The following IQGAP1 variants were observed in gnomAD, a reference collection of about 807,000 sequenced individuals.
The protein encoded by IQGAP1 is ras GTPase-activating-like protein IQGAP1.
A neutral mutation model predicts 215.6 loss-of-function variants in IQGAP1; 66 were observed. The ratio of observed to expected loss-of-function variants is 0.31; its 90% CI spans 0.25 to 0.38. The LOEUF is 0.38. Ranked by LOEUF, IQGAP1 falls within the 10% of genes least tolerant of loss-of-function variation. The pLI is 1.00. For missense variants in IQGAP1, 1,712 were observed against 1,997.1 expected (o/e 0.86, Z 2.72); for synonymous variants, 772 against 728.7 (o/e 1.06, Z -0.96).
At chr15:90,470,357 T>G (rs543960553) in intron 18 of IQGAP1, among the ~76,000 whole-genome samples, 1 of 152,272 alleles carries the variant, frequency 6.6e-6, no homozygotes, top group Admixed American at 6.5e-5. Context: ...TTTGTGCTCT[T>G]CCTCCAGTGC....
chr15:90,489,115 A>G (rs574583025), intron 33 of IQGAP1, among the ~76,000 whole-genome samples: 4 of 137,920 alleles, frequency 2.9e-5, no homozygotes, highest in East Asian at 2.2e-4. Flanking sequence ...CATATCTAAG[A>G]CCCTTGTTTC....
At chr15:90,429,162 A>G (rs113003605) in intron 3 of IQGAP1, among the ~76,000 whole-genome samples, 1 of 152,122 alleles carries the variant, frequency 6.6e-6, no homozygotes, top group Non-Finnish European at 1.5e-5. Context: ...TGGTATTTTT[A>G]TACAGCATTT....
At position 90,430,196 on chromosome 15, in the gene IQGAP1, C is replaced by T. The variant is rs116608732; in HGVS notation, c.390+530C>T. On this transcript the variant is annotated intron_variant, in intron 4 of 37. Coordinates refer to ENST00000268182, the MANE Select transcript of IQGAP1 (RefSeq NM_003870.4). Reference sequence around the variant, plus strand: ...GAGTGTACATCTTCTGGGTGTTCTGCTCAGGAGTTTATTTAGTGTTGCTTT... The same window carrying T: ...GAGTGTACATCTTCTGGGTGTTCTGTTCAGGAGTTTATTTAGTGTTGCTTT... 5.2e-3 allele frequency among the ~76,000 whole-genome samples: 794 copies of T among 152,166 alleles called. 5 individuals carry two copies. Among genetic ancestry groups the T allele is most frequent in the African/African-American group, 0.018 (761 of 41,520 alleles).
intron 30 of IQGAP1, among the ~76,000 whole-genome samples, chr15:90,485,290 A>G (rs1966111096): frequency 6.6e-6 from 1 of 152,200 alleles, no homozygotes; most frequent in Non-Finnish European, 1.5e-5. Flanking sequence ...TTGATTTGGT[A>G]TACTTTTCTC....
Position 90,448,753 on chromosome 15 carries a change from T to A in IQGAP1, c.1077+17T>A. ...AAGAGACAGGTAAACATAGTCTGGA[T>A]TGAAGCTGCAAGAGTTTGTATATAT... On this transcript the variant is annotated intron_variant, in intron 10 of 37. Transcript: ENST00000268182. 1 of 1,533,838 alleles carries A rather than the reference T, an allele frequency of 6.5e-7. No homozygotes were observed. The highest frequency in any genetic ancestry group is 2.4e-5 in the East Asian group (1 of 42,186).
Position 90,444,834 on chromosome 15 carries a change from T to C in IQGAP1, c.913+1356T>C, listed in dbSNP as rs180707769. Among the ~76,000 whole-genome samples, 175 of 152,334 alleles carry C rather than the reference T, an allele frequency of 1.1e-3. 1 individual carries two copies. The highest frequency in any genetic ancestry group is 3.9e-3 in the African/African-American group (162 of 41,578). ...CTAATTACCTCCCATACTCATTCTG[T>C]ACATTTTATGACTTAAAAGGAATCT... On this transcript the variant is annotated intron_variant, in intron 9 of 37. Transcript: ENST00000268182.
At chr15:90,404,732 C>T (rs1389887803) in intron 2 of IQGAP1, among the ~76,000 whole-genome samples, 1 of 147,994 alleles carries the variant, frequency 6.8e-6, no homozygotes, top group Non-Finnish European at 1.5e-5. Context: ...GCGCGTATCA[C>T]CACACTCAGC....
chr15:90,469,903 T>C (rs1266767756), intron 18 of IQGAP1, among the ~76,000 whole-genome samples: 1 of 152,114 alleles, frequency 6.6e-6, no homozygotes, highest in Admixed American at 6.5e-5. Flanking sequence ...ACCTGGCACG[T>C]GGTAGGAGTG....
At chr15:90,457,297 C>T (rs1965698179) in intron 15 of IQGAP1, among the ~76,000 whole-genome samples, 1 of 152,080 alleles carries the variant, frequency 6.6e-6, no homozygotes, top group Non-Finnish European at 1.5e-5. Flanking sequence ...TAATGATATG[C>T]ATCCATGTGG....
chr15:90,458,114 TCATA>T (rs904588852), intron 15 of IQGAP1, among the ~76,000 whole-genome samples: 8 of 152,340 alleles, frequency 5.3e-5, no homozygotes, highest in African/African-American at 1.9e-4. Context: ...TCTGAACATT[TCATA>T]TAAATGGAGT....
In IQGAP1 at chr15:90,391,005, G is replaced by GC. The variant is rs1964628062; in HGVS notation, c.155+132_155+133insC. ...TCCCAACACGTTGGGAGGCCGAGGT[G>GC]GGGGGGAATCACTTGAACCCAGCTG... On this transcript the variant is annotated intron_variant, in intron 2 of 37. Transcript: ENST00000268182. 8.2e-6 allele frequency: 5 copies of GC among 611,782 alleles called. No homozygotes were observed. In the Admixed American group the frequency reaches 1.2e-4, roughly 15 times the overall value. The allele number at this position is 611,782 out of a possible 1,614,324, so 37.9% of individuals were successfully genotyped here.
At chr15:90,439,300 A>G (rs1256372827) in intron 5 of IQGAP1, 32 bp from the exon 6 acceptor site, 1 of 1,581,546 alleles carries the variant, frequency 6.3e-7, no homozygotes, top group East Asian at 2.2e-5. Context: ...CACAGCTGGG[A>G]GGCCTAACCT....
chr15:90,470,423 C>G (rs1965889473), intron 18 of IQGAP1, among the ~76,000 whole-genome samples: 1 of 152,146 alleles, frequency 6.6e-6, no homozygotes, highest in African/African-American at 2.4e-5. Context: ...AATGAAGGCT[C>G]TGATTCTAGT....
intron 3 of IQGAP1, among the ~76,000 whole-genome samples, chr15:90,428,563 TGAGTCTAG>T (rs1395833165): frequency 2.6e-5 from 4 of 151,780 alleles, no homozygotes; most frequent in African/African-American, 9.7e-5. Flanking sequence ...AGCCCTCACT[TGAGTCTAG>T]GAGTTTGAGA....
chr15:90,482,345 C>A, intron 28 of IQGAP1, 64 bp downstream of exon 28: 1 of 1,482,746 alleles, frequency 6.7e-7, no homozygotes, highest in Non-Finnish European at 9.4e-7. Flanking sequence ...CCAGGGCTGA[C>A]CATAGATCAT....
Position 90,388,406 on chromosome 15 carries a change from G to A in IQGAP1, c.55+10G>A. ...CGGCCGCACTATGGCTGTGAGTGCG[G>A]GGCTCCGCGGCGCGGGGGCTTCGGG... On this transcript the variant is annotated intron_variant, in intron 1 of 37. Coordinates refer to ENST00000268182, the MANE Select transcript of IQGAP1 (RefSeq NM_003870.4). 1 of 1,571,856 alleles carries A rather than the reference G, an allele frequency of 6.4e-7. No homozygotes were observed. Among genetic ancestry groups the A allele is most frequent in the East Asian group, 2.5e-5 (1 of 39,570 alleles).
At chr15:90,416,073 G>A (rs1596255825) in intron 2 of IQGAP1, among the ~76,000 whole-genome samples, 1 of 152,116 alleles carries the variant, frequency 6.6e-6, no homozygotes, top group East Asian at 1.9e-4. Flanking sequence ...ACAACGTGCA[G>A]GTTTGTTACA....
At chr15:90,413,167 T>C (rs1964993565) in intron 2 of IQGAP1, among the ~76,000 whole-genome samples, 1 of 152,220 alleles carries the variant, frequency 6.6e-6, no homozygotes, top group South Asian at 2.1e-4. Context: ...ATGTAAATCA[T>C]GGAGTGTCAG....
chr15:90,421,084 C>T (rs896147804), intron 2 of IQGAP1, among the ~76,000 whole-genome samples: 3 of 152,220 alleles, frequency 2.0e-5, no homozygotes, highest in African/African-American at 7.2e-5. Context: ...TTGCAATGAG[C>T]TGAGATCGTG....
Sources: gnomAD v4.1 joint callset for allele counts (sites outside exome capture counted in the v4.1 genomes callset) on GRCh38, gnomAD v4.1.1 for gene constraint, MANE v1.5 for transcripts, NCBI Gene and HGNC (gene_info 2026-07-23, HGNC 2026-07-21) for gene names.